Variants in EGFR observed in about 807,000 individuals in gnomAD.
EGFR encodes epidermal growth factor receptor, also known as avian erythroblastic leukemia viral (v-erb-b) oncogene homolog.
Under a neutral mutation model 143.0 loss-of-function variants are expected in EGFR, and 58 were observed. The ratio of observed to expected loss-of-function variants is 0.41; its 90% CI spans 0.33 to 0.50. EGFR has a LOEUF of 0.50. EGFR is among the 20% of genes least tolerant of loss of function. The probability of loss-of-function intolerance (pLI) is 0.39; values close to 1 mark genes in which losing one functional copy is unlikely to be tolerated. For synonymous variants in EGFR, 613 were observed against 594.4 expected, an observed-to-expected ratio of 1.03 and a Z score of -0.45; for missense variants, 1,307 against 1,579.0, an observed-to-expected ratio of 0.83 and a Z score of 2.92.
At chr7:55,083,691 A>G (rs978979519) in intron 1 of EGFR, among the ~76,000 whole-genome samples, 3 of 152,152 alleles carry the variant, frequency 2.0e-5, no homozygotes, top group Non-Finnish European at 2.9e-5. Flanking sequence ...TTCTTCCTGA[A>G]AAAAAATGGC....
chr7:55,106,449 A>C (rs941396178), intron 1 of EGFR, among the ~76,000 whole-genome samples: 1 of 152,144 alleles, frequency 6.6e-6, no homozygotes, highest in Admixed American at 6.5e-5. Context: ...TTCATTTCCT[A>C]ATCAGTTTTG....
rs192133286 is a variant in EGFR at position 55,133,149 on chromosome 7, G to T, written c.89-9137G>T. Among the ~76,000 whole-genome samples the T allele has an allele frequency of 3.3e-5, 5 of 152,352 alleles. No homozygotes were observed. The East Asian group carries it at 9.6e-4, about 29-fold the overall frequency. ...ACTGGGTGAGACAGCGCCCAGCGAGGTGAACTCCCGGCAGCCCTGCCTGTC... is the reference window on the plus strand; with the variant it reads ...ACTGGGTGAGACAGCGCCCAGCGAGTTGAACTCCCGGCAGCCCTGCCTGTC... On this transcript the variant is annotated intron_variant, in intron 1 of 27. Transcript: ENST00000275493.
intron 1 of EGFR, among the ~76,000 whole-genome samples, chr7:55,126,376 T>C (rs1793525866): frequency 6.6e-6 from 1 of 152,208 alleles, no homozygotes; most frequent in South Asian, 2.1e-4. Context: ...CTCTTCTGGG[T>C]GTTGTGCAAA....
intron 1 of EGFR, among the ~76,000 whole-genome samples, chr7:55,040,103 C>G (rs558616391): frequency 3.9e-5 from 6 of 152,250 alleles, no homozygotes; most frequent in Non-Finnish European, 7.4e-5. Context: ...ACAGTTGAGT[C>G]TTGTTCCAAC....
At chr7:55,155,991 T>G (rs535398327) in intron 8 of EGFR, 45 bp downstream of exon 8, 1 of 1,449,454 alleles carries the variant, frequency 6.9e-7, no homozygotes, top group African/African-American at 1.4e-5. Flanking sequence ...TCTCGGCTGC[T>G]GAGGCTGGGC....
chr7:55,044,716 C>T (rs1041273968), intron 1 of EGFR, among the ~76,000 whole-genome samples: 2 of 152,154 alleles, frequency 1.3e-5, no homozygotes, highest in African/African-American at 2.4e-5. Context: ...TGTTTCCCGC[C>T]GCCCCCCGCA....
At chr7:55,028,026 A>ATATATATATG (rs1491096841) in intron 1 of EGFR, among the ~76,000 whole-genome samples, 13 of 105,730 alleles carry the variant, frequency 1.2e-4, no homozygotes, top group Admixed American at 4.8e-4. Context: ...ATATATATAT[A>ATATATATATG]CACACACACA....
intron 1 of EGFR, among the ~76,000 whole-genome samples, chr7:55,047,174 G>A (rs963274532): frequency 5.9e-5 from 9 of 152,180 alleles, no homozygotes; most frequent in Non-Finnish European, 1.0e-4. Flanking sequence ...AACCAGCTCT[G>A]AGCCTCATGG....
chr7:55,025,258 G>T (rs888778738), intron 1 of EGFR, among the ~76,000 whole-genome samples: 12 of 152,170 alleles, frequency 7.9e-5, no homozygotes, highest in African/African-American at 2.7e-4. Context: ...GAAACAGGAA[G>T]GTTCATGACT....
chr7:55,019,192 G>C lies in EGFR; in HGVS notation c.-86G>C. The C allele has an allele frequency of 1.7e-6, 2 of 1,166,016 alleles. No individual in the cohort carries two copies. The highest frequency in any genetic ancestry group is 2.3e-6 in the Non-Finnish European group (2 of 855,230). 72.2% of individuals were successfully genotyped at this position (1,166,016 alleles called of 1,614,324 possible). A position where few individuals can be genotyped will look rare whatever the true frequency, so the allele number is the denominator to read the frequency against. On this transcript the variant is annotated 5_prime_UTR_variant, in exon 1 of 28. Coordinates refer to ENST00000275493, the MANE Select transcript of EGFR (RefSeq NM_005228.5). ...CGTCCGCCCGAGTCCCCGCCTCGCCGCCAACGCCACAACCACCGCGCACGG... is the reference window on the plus strand; with the variant it reads ...CGTCCGCCCGAGTCCCCGCCTCGCCCCCAACGCCACAACCACCGCGCACGG...
At chr7:55,106,335 C>G (rs1792130977) in intron 1 of EGFR, among the ~76,000 whole-genome samples, 1 of 152,248 alleles carries the variant, frequency 6.6e-6, no homozygotes, top group Non-Finnish European at 1.5e-5. Context: ...CATTCTGGGT[C>G]AGAAGCCACC....
At chr7:55,172,881 A>G (rs1316961162) in intron 16 of EGFR, 102 bp from the exon 17 acceptor site, 1 of 1,609,886 alleles carries the variant, frequency 6.2e-7, no homozygotes, top group Non-Finnish European at 8.5e-7. Flanking sequence ...AGATCATTCT[A>G]CAAGATGTCA....
chr7:55,152,678 C>A lies in EGFR; in HGVS notation c.747+14C>A, dbSNP rs1785219921. 1 of 1,610,784 alleles carries A rather than the reference C, an allele frequency of 6.2e-7. No homozygotes were observed. Among genetic ancestry groups the A allele is most frequent in the Non-Finnish European group, 8.5e-7 (1 of 1,177,776 alleles). On this transcript the variant is annotated intron_variant, in intron 6 of 27. Transcript: ENST00000275493. ...AGCGACTGCCTGGTAAGATGCCCCT[C>A]CAGCAGCCTCCCTGGAGCAGGCTGG...
intron 1 of EGFR, among the ~76,000 whole-genome samples, chr7:55,059,779 T>C (rs1789059797): frequency 6.6e-6 from 1 of 152,232 alleles, no homozygotes; most frequent in African/African-American, 2.4e-5. Flanking sequence ...GAATAAATAC[T>C]TGCATGAATG....
At chr7:55,136,648 G>C (rs1002826358) in intron 1 of EGFR, among the ~76,000 whole-genome samples, 2 of 152,196 alleles carry the variant, frequency 1.3e-5, no homozygotes, top group Non-Finnish European at 2.9e-5. Flanking sequence ...CTTTACGATG[G>C]TGTGAAAGCA....
At chr7:55,143,829 T>A (rs1794608618) in intron 3 of EGFR, among the ~76,000 whole-genome samples, 1 of 152,190 alleles carries the variant, frequency 6.6e-6, no homozygotes, top group African/African-American at 2.4e-5. Context: ...GTGAATAAAC[T>A]GCCAGTCTTA....
At chr7:55,054,956 C>T (rs538522756) in intron 1 of EGFR, among the ~76,000 whole-genome samples, 4 of 152,298 alleles carry the variant, frequency 2.6e-5, no homozygotes, top group South Asian at 2.1e-4. Flanking sequence ...CTCCGTGTGG[C>T]GAGATGCACC....
Position 55,192,612 on chromosome 7 carries a change from T to C in EGFR, c.2626-154T>C, listed in dbSNP as rs181085520. On this transcript the variant is annotated intron_variant, in intron 21 of 27. Transcript: ENST00000275493. ...AACTCCGTCAGACTGAAATCCCCTG[T>C]TGCCGGGAGGAGGCGCCGGGCCTGG... Among the ~76,000 whole-genome samples, 4 of 152,346 alleles carry C rather than the reference T, an allele frequency of 2.6e-5. No homozygotes were observed. In the East Asian group the frequency reaches 7.7e-4, roughly 29 times the overall value.
intron 1 of EGFR, among the ~76,000 whole-genome samples, chr7:55,061,612 A>G (rs1217932357): frequency 7.9e-6 from 1 of 126,332 alleles, no homozygotes; most frequent in Non-Finnish European, 1.7e-5. Context: ...GTCTCCAGGG[A>G]TGTGTGTGTG....
Sources: gnomAD v4.1 joint callset for allele counts (sites outside exome capture counted in the v4.1 genomes callset) on GRCh38, gnomAD v4.1.1 for gene constraint, MANE v1.5 for transcripts, NCBI Gene and HGNC (gene_info 2026-07-23, HGNC 2026-07-21) for gene names.